Variants in UBXN4 observed in about 807,000 individuals in gnomAD.
The protein encoded by UBXN4 is UBX domain-containing protein 4.
Under a neutral mutation model 66.2 loss-of-function variants are expected in UBXN4, and 35 were observed. That is an observed-to-expected ratio of 0.53 (90% confidence interval 0.40 to 0.70). The LOEUF (loss-of-function observed/expected upper bound fraction) is 0.70, where lower values mean the gene tolerates loss of function less well. Ranked by LOEUF, UBXN4 falls within the 30% of genes least tolerant of loss-of-function variation. The pLI is 0.00. For missense variants in UBXN4, 533 were observed against 599.8 expected, an observed-to-expected ratio of 0.89 and a Z score of 1.16; for synonymous variants, 203 against 204.5, an observed-to-expected ratio of 0.99 and a Z score of 0.06.
At chr2:135,748,857 T>G (rs1232921054) in intron 2 of UBXN4, among the ~76,000 whole-genome samples, 2 of 151,540 alleles carry the variant, frequency 1.3e-5, no homozygotes, top group Non-Finnish European at 2.9e-5. Context: ...CAGTGAGACC[T>G]TGTCTCTACT....
At chr2:135,747,654 C>T in intron 1 of UBXN4, 3 of 456,404 alleles carry the variant, frequency 6.6e-6, no homozygotes, top group South Asian at 4.6e-5. Flanking sequence ...TTCTCTCTCT[C>T]TAGACGGTCT....
chr2:135,747,827 G>T, intron 1 of UBXN4: 1 of 367,548 alleles, frequency 2.7e-6, no homozygotes, highest in African/African-American at 2.1e-5. Flanking sequence ...TACCGTGTTG[G>T]CCAGTCTGGT....
At chr2:135,771,648 C>A (rs949481770) in intron 8 of UBXN4, among the ~76,000 whole-genome samples, 9 of 152,114 alleles carry the variant, frequency 5.9e-5, no homozygotes, top group African/African-American at 2.2e-4. Flanking sequence ...CTGCAACTTC[C>A]ACCTCCCGAG....
chr2:135,779,137 T>G (rs2077435506), intron 11 of UBXN4, 58 bp downstream of exon 11: 6 of 1,483,634 alleles, frequency 4.0e-6, no homozygotes, highest in Non-Finnish European at 5.4e-6. Context: ...TATCATACTC[T>G]TCATTTCTTA....
intron 5 of UBXN4, among the ~76,000 whole-genome samples, chr2:135,760,090 AGCAGTTAAATATGAGTG>A (rs1427725490): frequency 1.3e-5 from 2 of 152,120 alleles, no homozygotes; most frequent in Non-Finnish European, 2.9e-5. Context: ...TTTAGGAATT[AGCAGTTAAATATGAGTG>A]TTAATAAGCT....
At chr2:135,779,540 G>C (rs1196245773) in intron 11 of UBXN4, among the ~76,000 whole-genome samples, 4 of 152,128 alleles carry the variant, frequency 2.6e-5, no homozygotes, top group Non-Finnish European at 1.5e-5. Flanking sequence ...ACTGGGATGA[G>C]AGCCTGGGTC....
intron 8 of UBXN4, 121 bp downstream of exon 8, chr2:135,770,856 C>A: frequency 2.1e-6 from 2 of 975,296 alleles, no homozygotes; most frequent in Non-Finnish European, 2.7e-6. Context: ...CAATCCTGAG[C>A]TTCCTTTTAT....
In UBXN4 at chr2:135,748,385, A is replaced by C. The variant is rs536762269; in HGVS notation, c.185+16A>C. On this transcript the variant is annotated intron_variant, in intron 2 of 12. Coordinates refer to ENST00000272638, the MANE Select transcript of UBXN4 (RefSeq NM_014607.4). ...ATACCAAAAGGTTTGTTTATGTTTT[A>C]ATATTTTATTAATTTTAAAATTTAT... 4.6e-6 allele frequency: 7 copies of C among 1,520,448 alleles called. No individual in the cohort carries two copies. In the African/African-American group the frequency reaches 7.1e-5, roughly 15 times the overall value. 94.2% of individuals were successfully genotyped at this position (1,520,448 alleles called of 1,614,324 possible). A position where few individuals can be genotyped will look rare whatever the true frequency, so the allele number is the denominator to read the frequency against.
Position 135,753,395 on chromosome 2 carries a change from T to G in UBXN4, c.186-144T>G, listed in dbSNP as rs903758848. On this transcript the variant is annotated intron_variant, in intron 2 of 12. Transcript: ENST00000272638. Reference sequence around the variant, plus strand: ...TCTTAATGAAATAAGAATTATATTTTTCTCCTTCAACCTGATTGCTGTGAA... The same window carrying G: ...TCTTAATGAAATAAGAATTATATTTGTCTCCTTCAACCTGATTGCTGTGAA... The G allele has an allele frequency of 3.1e-4, 164 of 532,280 alleles. 1 individual carries two copies. The highest frequency in any genetic ancestry group is 3.8e-4 in the Middle Eastern group (1 of 2,664). 33.0% of individuals were successfully genotyped at this position (532,280 alleles called of 1,614,324 possible). A position where few individuals can be genotyped will look rare whatever the true frequency, so the allele number is the denominator to read the frequency against.
chr2:135,780,489 A>G, intron 12 of UBXN4, 104 bp downstream of exon 12: 1 of 1,031,918 alleles, frequency 9.7e-7, no homozygotes, highest in South Asian at 1.5e-5. Flanking sequence ...TGTCCTCTCC[A>G]GTTCCCACGG....
chr2:135,758,881 C>T (rs1314577001), intron 5 of UBXN4, among the ~76,000 whole-genome samples: 65 of 151,956 alleles, frequency 4.3e-4, no homozygotes, highest in Admixed American at 4.3e-3. Context: ...GTCTCAGCCT[C>T]CCGAGTAGCT....
chr2:135,783,609 C>T lies in UBXN4; in HGVS notation c.*722C>T, dbSNP rs1559545536. The T allele has an allele frequency of 6.6e-6, 1 of 152,104 alleles. No individual in the cohort carries two copies. Among genetic ancestry groups the T allele is most frequent in the Non-Finnish European group, 1.5e-5 (1 of 68,024 alleles). 9.4% of individuals were successfully genotyped at this position (152,104 alleles called of 1,614,324 possible). A position where few individuals can be genotyped will look rare whatever the true frequency, so the allele number is the denominator to read the frequency against. On this transcript the variant is annotated 3_prime_UTR_variant, in exon 13 of 13. Coordinates refer to ENST00000272638, the MANE Select transcript of UBXN4 (RefSeq NM_014607.4). Reference sequence around the variant, plus strand: ...CACACTGATGGCATGTGACTTGTCTCCTAAGTCAGTGAGGCATCACTTTGT... The same window carrying T: ...CACACTGATGGCATGTGACTTGTCTTCTAAGTCAGTGAGGCATCACTTTGT...
chr2:135,770,516 A>G (rs2105504931), intron 7 of UBXN4, 55 bp from the exon 8 acceptor site: 1 of 1,219,978 alleles, frequency 8.2e-7, no homozygotes, highest in Non-Finnish European at 1.1e-6. Context: ...ATTCAAAATA[A>G]TATCTGGGGC....
intron 3 of UBXN4, 54 bp from the exon 4 acceptor site, chr2:135,754,105 G>C: frequency 7.7e-7 from 1 of 1,301,958 alleles, no homozygotes. Flanking sequence ...ATAGTGTTTC[G>C]TAAAACTATC....
intron 3 of UBXN4, 150 bp from the exon 4 acceptor site, chr2:135,754,009 A>G (rs1317224177): frequency 6.5e-6 from 4 of 614,562 alleles, no homozygotes; most frequent in Non-Finnish European, 1.1e-5. Flanking sequence ...TACTACAGGT[A>G]TAATGATGCA....
chr2:135,745,403 T>G (rs1484244914), intron 1 of UBXN4, among the ~76,000 whole-genome samples: 1 of 152,234 alleles, frequency 6.6e-6, no homozygotes, highest in Non-Finnish European at 1.5e-5. Context: ...AAGAGTTCTC[T>G]TGTTATTTTC....
chr2:135,753,017 C>CTTTTTT (rs34841626), intron 2 of UBXN4, among the ~76,000 whole-genome samples: 1 of 60,928 alleles, frequency 1.6e-5, no homozygotes, highest in Non-Finnish European at 3.0e-5. Flanking sequence ...CACGCCCGGC[C>CTTTTTT]TTTTTTTTTT....
At chr2:135,768,708 C>T (rs1204068398) in intron 6 of UBXN4, among the ~76,000 whole-genome samples, 1 of 151,810 alleles carries the variant, frequency 6.6e-6, no homozygotes, top group Non-Finnish European at 1.5e-5. Context: ...GGTTTACAGG[C>T]GCTCACCACC....
intron 8 of UBXN4, among the ~76,000 whole-genome samples, chr2:135,771,395 G>C (rs1176158712): frequency 6.6e-6 from 1 of 151,958 alleles, no homozygotes; most frequent in Non-Finnish European, 1.5e-5. Flanking sequence ...AGAATCACTT[G>C]AACCTAGGAG....
Sources: gnomAD v4.1 joint callset for allele counts (sites outside exome capture counted in the v4.1 genomes callset) on GRCh38, gnomAD v4.1.1 for gene constraint, MANE v1.5 for transcripts, NCBI Gene and HGNC (gene_info 2026-07-23, HGNC 2026-07-21) for gene names.